Variants in WWOX observed in about 807,000 individuals in gnomAD.
WWOX encodes the protein WW domain containing oxidoreductase.
WWOX carries 69 observed loss-of-function variants against 46.2 expected under a neutral mutation model. The ratio of observed to expected loss-of-function variants is 1.49; its 90% CI spans 1.23 to 1.82. The LOEUF (loss-of-function observed/expected upper bound fraction) is 1.82. Among genes scored for constraint, WWOX ranks in the 40% most tolerant of loss-of-function variants. WWOX has a pLI of 0.00. For synonymous variants in WWOX, 359 were observed against 202.6 expected (o/e 1.77, Z -6.56); for missense variants, 919 against 542.6 (o/e 1.69, Z -6.89).
At chr16:79,173,445 A>G (rs750991903) in intron 8 of WWOX, among the ~76,000 whole-genome samples, 6 of 152,222 alleles carry the variant, frequency 3.9e-5, no homozygotes, top group Admixed American at 2.0e-4. Flanking sequence ...GCAAACAGGC[A>G]GAGACTGGGA....
intron 5 of WWOX, among the ~76,000 whole-genome samples, chr16:78,265,238 GCCCACC>G (rs1425305207): frequency 3.3e-5 from 5 of 151,666 alleles, no homozygotes; most frequent in African/African-American, 1.2e-4. Context: ...TGACCCTGAG[GCCCACC>G]TTGGCCTCCC....
intron 8 of WWOX, among the ~76,000 whole-genome samples, chr16:78,726,071 T>TTCCCCCCCTCCCTCTTCCTCCCTCCC (rs2048824638): frequency 1.0e-5 from 1 of 96,558 alleles, no homozygotes; most frequent in Non-Finnish European, 2.2e-5. Context: ...CCTGCTTCCC[T>TTCCCCCCCTCCCTCTTCCTCCCTCCC]TCCCTCCCTC....
intron 5 of WWOX, among the ~76,000 whole-genome samples, chr16:78,329,769 CAG>C (rs550332230): frequency 1.4e-5 from 2 of 147,082 alleles, no homozygotes; most frequent in South Asian, 4.3e-4. Flanking sequence ...TTTTTTGAGA[CAG>C]GGCCTTGCTT....
At chr16:78,286,655 A>G (rs1026113719) in intron 5 of WWOX, among the ~76,000 whole-genome samples, 14 of 152,034 alleles carry the variant, frequency 9.2e-5, no homozygotes, top group Admixed American at 6.6e-5. Context: ...ATGATTTATA[A>G]GTAGTATATT....
chr16:78,208,204 A>G (rs141612808), intron 5 of WWOX, among the ~76,000 whole-genome samples: 227 of 152,336 alleles, frequency 1.5e-3, no homozygotes, highest in East Asian at 5.0e-3. Flanking sequence ...GACGTTTTCT[A>G]TAATAAAGCT....
chr16:78,199,260 C>A (rs912304402), intron 5 of WWOX, among the ~76,000 whole-genome samples: 7 of 152,096 alleles, frequency 4.6e-5, no homozygotes, highest in African/African-American at 1.7e-4. Context: ...TTGCAGTGAG[C>A]CCAGATCGCA....
chr16:79,209,708 T>C (rs888338699), intron 8 of WWOX, among the ~76,000 whole-genome samples: 1 of 152,216 alleles, frequency 6.6e-6, no homozygotes, highest in Non-Finnish European at 1.5e-5. Flanking sequence ...AATACTTGGC[T>C]TGAGTTAGCT....
At chr16:78,765,804 C>A in intron 8 of WWOX, among the ~76,000 whole-genome samples, 1 of 152,208 alleles carries the variant, frequency 6.6e-6, no homozygotes, top group Non-Finnish European at 1.5e-5. Context: ...TCAGAGAACT[C>A]ATCGCACTAT....
intron 8 of WWOX, among the ~76,000 whole-genome samples, chr16:79,025,770 G>A (rs780749657): frequency 7.9e-6 from 1 of 127,234 alleles, no homozygotes; most frequent in African/African-American, 3.0e-5. Flanking sequence ...CATCTCCCCT[G>A]TTGCCGTTTT....
intron 5 of WWOX, among the ~76,000 whole-genome samples, chr16:78,182,921 A>G (rs548647099): frequency 6.7e-6 from 1 of 148,986 alleles, no homozygotes; most frequent in African/African-American, 2.5e-5. Flanking sequence ...ACTGCACTTC[A>G]GCCTGGGTGA....
At chr16:78,709,000 A>G (rs184681802) in intron 8 of WWOX, among the ~76,000 whole-genome samples, 6 of 152,342 alleles carry the variant, frequency 3.9e-5, no homozygotes, top group African/African-American at 7.2e-5. Context: ...TTTAAATTTT[A>G]TCAGGCTCAT....
chr16:78,659,930 A>C (rs1465111618), intron 8 of WWOX, among the ~76,000 whole-genome samples: 1 of 152,222 alleles, frequency 6.6e-6, no homozygotes, highest in Non-Finnish European at 1.5e-5. Context: ...TGTCACCACC[A>C]GAAATTTAAC....
At position 78,888,189 on chromosome 16, in the gene WWOX, T is replaced by A. The variant is rs1375523862; in HGVS notation, c.1057-323419T>A. Among the ~76,000 whole-genome samples, 4 of 152,356 alleles carry A rather than the reference T, an allele frequency of 2.6e-5. No homozygotes were observed. In the East Asian group the frequency reaches 7.7e-4, roughly 29 times the overall value. ...TGAGCTCCTTAAAGATGCTGATTCC[T>A]GCATAAAATGTTTAACCCTACCCAA... is the stretch of plus-strand genomic sequence containing the variant. On this transcript the variant is annotated intron_variant, in intron 8 of 8. Coordinates refer to ENST00000566780, the MANE Select transcript of WWOX (RefSeq NM_016373.4).
At chr16:79,074,021 A>G (rs989390395) in intron 8 of WWOX, among the ~76,000 whole-genome samples, 33 of 151,464 alleles carry the variant, frequency 2.2e-4, no homozygotes, top group Admixed American at 1.4e-3. Flanking sequence ...GCCTTTCACC[A>G]TGGTTAGTTC....
At chr16:78,320,148 C>T (rs1411980731) in intron 5 of WWOX, among the ~76,000 whole-genome samples, 4 of 152,156 alleles carry the variant, frequency 2.6e-5, no homozygotes, top group Non-Finnish European at 4.4e-5. Flanking sequence ...GCTTCATGTA[C>T]GTGACTGTAT....
intron 1 of WWOX, among the ~76,000 whole-genome samples, chr16:78,101,835 A>T (rs2151655583): frequency 6.6e-6 from 1 of 152,310 alleles, no homozygotes; most frequent in Middle Eastern, 3.4e-3. Flanking sequence ...ATACCGAGGC[A>T]AATAAGAGCC....
chr16:78,824,586 G>C (rs866082947), intron 8 of WWOX, among the ~76,000 whole-genome samples: 21 of 152,098 alleles, frequency 1.4e-4, no homozygotes, highest in African/African-American at 3.1e-4. Flanking sequence ...CGCACGGCTG[G>C]GGAGGCCTCA....
chr16:78,252,135 G>A lies in WWOX; in HGVS notation c.516+87846G>A, dbSNP rs185794559. Among the ~76,000 whole-genome samples, 36 of 152,280 alleles carry A rather than the reference G, an allele frequency of 2.4e-4. 1 individual carries two copies. In the East Asian group the frequency reaches 6.8e-3, roughly 29 times the overall value. On this transcript the variant is annotated intron_variant, in intron 5 of 8. Coordinates refer to ENST00000566780, the MANE Select transcript of WWOX (RefSeq NM_016373.4). Reference sequence around the variant, plus strand: ...GGAGCACACAGAGGTGCCCTTTGGGGAAAGAGGGGCATCTTGCACTTGTCT... The same window carrying A: ...GGAGCACACAGAGGTGCCCTTTGGGAAAAGAGGGGCATCTTGCACTTGTCT...
chr16:79,160,040 C>G (rs571032988), intron 8 of WWOX, among the ~76,000 whole-genome samples: 3 of 152,186 alleles, frequency 2.0e-5, no homozygotes, highest in South Asian at 2.1e-4. Flanking sequence ...TGACAAATGT[C>G]TGCTGCTGGG....
Sources: gnomAD v4.1 joint callset for allele counts (sites outside exome capture counted in the v4.1 genomes callset) on GRCh38, gnomAD v4.1.1 for gene constraint, MANE v1.5 for transcripts, NCBI Gene and HGNC (gene_info 2026-07-23, HGNC 2026-07-21) for gene names.